KAZN: variants seen among roughly 807,000 people sequenced by gnomAD.
The protein encoded by KAZN is kazrin.
In KAZN, 40 loss-of-function variants were observed where a neutral mutation model predicts 87.4. The observed-to-expected ratio is 0.46, with a 90% CI of 0.36 to 0.60. The LOEUF (loss-of-function observed/expected upper bound fraction) is 0.60. Ranked by LOEUF, KAZN falls within the 20% of genes least tolerant of loss-of-function variation. KAZN has a pLI of 0.00. For missense variants in KAZN, 898 were observed against 1,073.9 expected, an observed-to-expected ratio of 0.84 and a Z score of 2.29; for synonymous variants, 466 against 458.3, an observed-to-expected ratio of 1.02 and a Z score of -0.22.
At chr1:13,900,301 C>T (rs1266079281) in intron 1 of KAZN, among the ~76,000 whole-genome samples, 1 of 152,108 alleles carries the variant, frequency 6.6e-6, no homozygotes, top group Non-Finnish European at 1.5e-5. Context: ...AGGTGGGAGT[C>T]AGGATTTCAT....
chr1:14,064,429 A>C (rs1416626402), intron 1 of KAZN, among the ~76,000 whole-genome samples: 1 of 152,192 alleles, frequency 6.6e-6, no homozygotes, highest in Non-Finnish European at 1.5e-5. Flanking sequence ...ACACCAACCC[A>C]GGTCACTCTG....
In KAZN at chr1:14,982,111, C is replaced by T. The variant is rs1255819615; in HGVS notation, c.418+21236C>T. Among the ~76,000 whole-genome samples the T allele has an allele frequency of 2.0e-5, 3 of 152,284 alleles. No individual in the cohort carries two copies. The East Asian group carries it at 5.8e-4, about 29-fold the overall frequency. On this transcript the variant is annotated intron_variant, in intron 2 of 14. Transcript: ENST00000376030. ...TCACAGCAGACCGGTGAGATGGGTC[C>T]TGTTATCATGCCGACTTTACAGTTG...
chr1:14,646,136 G>A (rs1328513197), intron 1 of KAZN, among the ~76,000 whole-genome samples: 1 of 152,184 alleles, frequency 6.6e-6, no homozygotes, highest in East Asian at 1.9e-4. Context: ...AGTCCAGGGA[G>A]TGCTTTGGGT....
chr1:14,151,527 T>C (rs550214909), intron 1 of KAZN, among the ~76,000 whole-genome samples: 69 of 152,338 alleles, frequency 4.5e-4, no homozygotes, highest in Middle Eastern at 3.4e-3. Context: ...AACTACTATT[T>C]ACTGTGTCTC....
chr1:14,086,051 T>G (rs772127931), intron 1 of KAZN, among the ~76,000 whole-genome samples: 5 of 152,258 alleles, frequency 3.3e-5, no homozygotes, highest in Non-Finnish European at 5.9e-5. Flanking sequence ...TTAAATATAC[T>G]TTGGTGAGAT....
intron 2 of KAZN, among the ~76,000 whole-genome samples, chr1:14,241,664 C>A (rs1648947353): frequency 6.6e-6 from 1 of 152,130 alleles, no homozygotes; most frequent in African/African-American, 2.4e-5. Flanking sequence ...ATGCACATTG[C>A]CATCCTTCCC....
chr1:14,693,652 C>T (rs542963125), intron 1 of KAZN, among the ~76,000 whole-genome samples: 2 of 152,264 alleles, frequency 1.3e-5, no homozygotes, highest in South Asian at 2.1e-4. Context: ...GTGTGTTGTG[C>T]GTGATTCAGC....
chr1:15,019,784 T>A (rs1670480666), intron 2 of KAZN, among the ~76,000 whole-genome samples: 1 of 152,156 alleles, frequency 6.6e-6, no homozygotes, highest in Admixed American at 6.5e-5. Flanking sequence ...TGTAGAATAA[T>A]ACCCACCCCA....
chr1:14,330,460 T>C (rs820627), intron 2 of KAZN, among the ~76,000 whole-genome samples: 148,053 of 152,234 alleles, frequency 0.97, 72,024 homozygotes, highest in Middle Eastern at 0.98. Context: ...AATTGCTCCT[T>C]CCAGCCAGAC....
At chr1:14,908,877 T>C (rs1373430555) in intron 1 of KAZN, among the ~76,000 whole-genome samples, 9 of 151,454 alleles carry the variant, frequency 5.9e-5, no homozygotes. Context: ...TAGCCAGGTG[T>C]GGTGGCAGGC....
intron 2 of KAZN, among the ~76,000 whole-genome samples, chr1:14,564,591 G>A (rs1280562483): frequency 2.6e-5 from 4 of 151,620 alleles, no homozygotes; most frequent in African/African-American, 9.7e-5. Context: ...GGATCACGAG[G>A]TCAAGAGTTC....
intron 1 of KAZN, among the ~76,000 whole-genome samples, chr1:14,086,367 A>G (rs987883287): frequency 6.6e-6 from 1 of 152,036 alleles, no homozygotes; most frequent in Admixed American, 6.6e-5. Flanking sequence ...GTCTCCCCCA[A>G]CAGGACCCAG....
chr1:14,108,264 G>A (rs1165042848), intron 1 of KAZN, among the ~76,000 whole-genome samples: 2 of 152,146 alleles, frequency 1.3e-5, no homozygotes, highest in South Asian at 2.1e-4. Flanking sequence ...CACCAAGCCA[G>A]GGGGAGGCTC....
rs112057645 is a variant in KAZN, at chr1:14,616,073, A to G, written c.226+16850A>G. ...CCAGAGGGAAGTGCCCATGTGGGTT[A>G]TGGAATGACGCAATGCCTATACAAT... On this transcript the variant is annotated intron_variant, in intron 1 of 14. Coordinates refer to ENST00000376030, the MANE Select transcript of KAZN (RefSeq NM_201628.3). Among the ~76,000 whole-genome samples, 252 of 152,298 alleles carry G rather than the reference A, an allele frequency of 1.7e-3. 2 individuals are homozygous for G. Among genetic ancestry groups the G allele is most frequent in the African/African-American group, 5.7e-3 (238 of 41,570 alleles).
chr1:14,924,797 G>A (rs1658983296), intron 1 of KAZN, among the ~76,000 whole-genome samples: 1 of 152,124 alleles, frequency 6.6e-6, no homozygotes, highest in East Asian at 1.9e-4. Context: ...TGCACCGGGG[G>A]GCCAGGACCG....
chr1:13,948,781 C>A (rs1032402675), intron 1 of KAZN, among the ~76,000 whole-genome samples: 1 of 152,152 alleles, frequency 6.6e-6, no homozygotes, highest in Non-Finnish European at 1.5e-5. Flanking sequence ...GGAAGCTTCT[C>A]CTCAGAAGTA....
In KAZN at chr1:14,563,793, T is replaced by G. The variant is rs570895404; in HGVS notation, c.250-35190T>G. Among the ~76,000 whole-genome samples, 4 of 152,202 alleles carry G rather than the reference T, an allele frequency of 2.6e-5. No individual in the cohort carries two copies. The South Asian group carries it at 6.2e-4, about 24-fold the overall frequency. ...GCTTCCCAAATGGTCTCCTTGTCTT[T>G]AGTTTTGCTTGTGTATTTCCATATG... On this transcript the variant is annotated intron_variant, in intron 2 of 16. Transcript: ENST00000636203.
At chr1:14,608,629 A>G (rs1572038346) in intron 1 of KAZN, among the ~76,000 whole-genome samples, 1 of 152,322 alleles carries the variant, frequency 6.6e-6, no homozygotes, top group Admixed American at 6.5e-5. Context: ...AGCGCGTCTT[A>G]AGGAGAAGGA....
At chr1:14,961,885 C>T (rs189214977) in intron 2 of KAZN, among the ~76,000 whole-genome samples, 1 of 152,342 alleles carries the variant, frequency 6.6e-6, no homozygotes, top group East Asian at 1.9e-4. Flanking sequence ...TTTACCACCC[C>T]ACAGTGAGCA....
Sources: gnomAD v4.1 joint callset for allele counts (sites outside exome capture counted in the v4.1 genomes callset) on GRCh38, gnomAD v4.1.1 for gene constraint, MANE v1.5 for transcripts, NCBI Gene and HGNC (gene_info 2026-07-23, HGNC 2026-07-21) for gene names.